ABAT: variants seen among roughly 807,000 people sequenced by gnomAD.
The protein encoded by ABAT is 4-aminobutyrate aminotransferase, also known as 4-aminobutyrate aminotransferase, mitochondrial.
ABAT carries 45 observed loss-of-function variants against 64.6 expected under a neutral mutation model. The ratio of observed to expected loss-of-function variants is 0.70; its 90% CI spans 0.55 to 0.89. The LOEUF (loss-of-function observed/expected upper bound fraction) is 0.89. Among genes scored for constraint, ABAT ranks in the 40% least tolerant of loss-of-function variants. ABAT has a pLI of 0.00. For missense variants in ABAT, 633 were observed against 658.4 expected (o/e 0.96, Z 0.42); for synonymous variants, 297 against 250.5 (o/e 1.19, Z -1.75).
At chr16:8,767,962 C>T (rs375094397) in intron 9 of ABAT, among the ~76,000 whole-genome samples, 1 of 151,596 alleles carries the variant, frequency 6.6e-6, no homozygotes, top group African/African-American at 2.4e-5. Context: ...AGGTGTGAGC[C>T]ACCACACCCA....
At chr16:8,697,337 A>G (rs2057725444) in intron 1 of ABAT, among the ~76,000 whole-genome samples, 1 of 152,162 alleles carries the variant, frequency 6.6e-6, no homozygotes. Flanking sequence ...AGGGAGTGAC[A>G]TGATGTGTTT....
intron 2 of ABAT, among the ~76,000 whole-genome samples, chr16:8,742,231 C>T (rs76593146): frequency 0.017 from 2,537 of 152,318 alleles, 43 homozygotes; most frequent in Non-Finnish European, 0.026. Context: ...CTTGATCCCA[C>T]GCTCTCCAGT....
intron 1 of ABAT, among the ~76,000 whole-genome samples, chr16:8,718,055 C>T (rs1233406773): frequency 1.3e-5 from 2 of 152,130 alleles, no homozygotes; most frequent in Admixed American, 6.6e-5. Context: ...CTGGCTCTGC[C>T]GTTGACAAGC....
At chr16:8,750,747 A>C (rs1335231986) in intron 5 of ABAT, among the ~76,000 whole-genome samples, 1 of 152,148 alleles carries the variant, frequency 6.6e-6, no homozygotes, top group African/African-American at 2.4e-5. Flanking sequence ...TCCTTCCCCA[A>C]ATTCCACAGG....
rs1344928421 is a variant in ABAT, at chr16:8,782,976, C to T, written c.*1546C>T. 2.0e-5 allele frequency: 3 copies of T among 151,882 alleles called. No individual in the cohort carries two copies. The highest frequency in any genetic ancestry group is 4.4e-5 in the Non-Finnish European group (3 of 67,998). 9.4% of individuals were successfully genotyped at this position (151,882 alleles called of 1,614,324 possible). A position where few individuals can be genotyped will look rare whatever the true frequency, so the allele number is the denominator to read the frequency against. On this transcript the variant is annotated 3_prime_UTR_variant, in exon 16 of 16. Transcript: ENST00000268251. ...TCCACTCTTCCGCAGACTTGGTCAT[C>T]GACCTATTTTTGTTGAAGAATGAAA...
intron 1 of ABAT, among the ~76,000 whole-genome samples, chr16:8,722,422 G>A (rs1447292461): frequency 6.6e-6 from 1 of 152,174 alleles, no homozygotes; most frequent in Non-Finnish European, 1.5e-5. Flanking sequence ...TGGGATTACA[G>A]GCATGAGCCA....
chr16:8,703,459 CA>C (rs796731112), intron 1 of ABAT, among the ~76,000 whole-genome samples: 328 of 138,052 alleles, frequency 2.4e-3, no homozygotes, highest in Non-Finnish European at 3.8e-3. Context: ...GACTCTGTCT[CA>C]AAAAAAAAAA....
chr16:8,770,605 C>A (rs905744878), intron 11 of ABAT, among the ~76,000 whole-genome samples: 2 of 152,064 alleles, frequency 1.3e-5, no homozygotes, highest in African/African-American at 4.8e-5. Flanking sequence ...CCACACCTGG[C>A]TAATTTTTGT....
At chr16:8,694,889 A>G (rs896098648) in intron 1 of ABAT, among the ~76,000 whole-genome samples, 9 of 152,166 alleles carry the variant, frequency 5.9e-5, no homozygotes, top group African/African-American at 2.2e-4. Context: ...CCGCATCCTA[A>G]CACCTGAGTT....
intron 1 of ABAT, among the ~76,000 whole-genome samples, chr16:8,727,324 T>G (rs2058588214): frequency 6.6e-6 from 1 of 152,142 alleles, no homozygotes; most frequent in Non-Finnish European, 1.5e-5. Flanking sequence ...TCCCTCCAAG[T>G]GCTCTATGAT....
chr16:8,757,967 T>G (rs1236834244), intron 6 of ABAT, among the ~76,000 whole-genome samples, 161 bp downstream of exon 6: 1 of 152,184 alleles, frequency 6.6e-6, no homozygotes, highest in Admixed American at 6.5e-5. Context: ...CCTTGATGAA[T>G]GAAAACGCAG....
At chr16:8,702,827 T>C (rs1171378622) in intron 1 of ABAT, among the ~76,000 whole-genome samples, 1 of 152,130 alleles carries the variant, frequency 6.6e-6, no homozygotes, top group African/African-American at 2.4e-5. Flanking sequence ...CCTATGTTGA[T>C]TGCACACAGA....
At chr16:8,724,086 C>G (rs1055344379) in intron 1 of ABAT, among the ~76,000 whole-genome samples, 4 of 151,824 alleles carry the variant, frequency 2.6e-5, no homozygotes, top group African/African-American at 9.7e-5. Context: ...GGTGATCCAT[C>G]CACCTCAGCC....
chr16:8,726,340 A>G (rs1241225597), intron 1 of ABAT, among the ~76,000 whole-genome samples: 3 of 141,310 alleles, frequency 2.1e-5, no homozygotes, highest in Non-Finnish European at 3.0e-5. Context: ...GGCTCACTGC[A>G]ACCTCTGCCT....
chr16:8,780,934 T>C lies in ABAT; in HGVS notation c.1382-375T>C, dbSNP rs116298258. On this transcript the variant is annotated intron_variant, in intron 15 of 15. Coordinates refer to ENST00000268251, the MANE Select transcript of ABAT (RefSeq NM_020686.6). ...CTTTTGCAACTTATTTGCTTACCTA[T>C]TTTCTTTTCCCACTCCTCCATGACT... 7.1e-3 allele frequency among the ~76,000 whole-genome samples: 1,086 copies of C among 152,252 alleles called. 15 individuals carry two copies. Among genetic ancestry groups the C allele is most frequent in the African/African-American group, 0.025 (1,051 of 41,536 alleles).
rs71152921 is a variant in ABAT, at chr16:8,726,262, C to CTTTTTTTTTTTTTTT, written c.-41-9435_-41-9421dup. ...TCCACGTTGTTGCAAATGACTAGATCTTTTTTTTTTTTTTTTGAGATGGAG... is the reference window on the plus strand; with the variant it reads ...TCCACGTTGTTGCAAATGACTAGATCTTTTTTTTTTTTTTTTTTTTTTTTTTTTTTTGAGATGGAG... On this transcript the variant is annotated intron_variant, in intron 1 of 15. Transcript: ENST00000268251. 1.7e-5 allele frequency among the ~76,000 whole-genome samples: 2 copies of CTTTTTTTTTTTTTTT among 120,818 alleles called. 1 individual carries two copies. Among genetic ancestry groups the CTTTTTTTTTTTTTTT allele is most frequent in the Non-Finnish European group, 3.3e-5 (2 of 60,250 alleles). 79.3% of individuals were successfully genotyped at this position (120,818 alleles called of 152,430 possible). A position where few individuals can be genotyped will look rare whatever the true frequency, so the allele number is the denominator to read the frequency against.
intron 1 of ABAT, among the ~76,000 whole-genome samples, chr16:8,726,354 G>A (rs989283668): frequency 6.9e-6 from 1 of 144,488 alleles, no homozygotes; most frequent in East Asian, 2.1e-4. Context: ...TCTGCCTCCC[G>A]GGTTCAAGCG....
At chr16:8,743,423 T>TTATATATATATATATA (rs1182574273) in intron 2 of ABAT, among the ~76,000 whole-genome samples, 1,547 of 45,032 alleles carry the variant, frequency 0.034, 39 homozygotes, top group South Asian at 0.13. Flanking sequence ...ATGGAAACAG[T>TTATATATATATATATA]TATATATATA....
At chr16:8,747,464 G>T (rs74008051) in intron 3 of ABAT, among the ~76,000 whole-genome samples, 1 of 152,072 alleles carries the variant, frequency 6.6e-6, no homozygotes, top group Non-Finnish European at 1.5e-5. Context: ...TTCTATTGGG[G>T]AGATAGATTT....
Sources: gnomAD v4.1 joint callset for allele counts (sites outside exome capture counted in the v4.1 genomes callset) on GRCh38, gnomAD v4.1.1 for gene constraint, MANE v1.5 for transcripts, NCBI Gene and HGNC (gene_info 2026-07-23, HGNC 2026-07-21) for gene names.